Variants in PRDM16 observed in about 807,000 individuals in gnomAD.
PRDM16 encodes histone-lysine N-methyltransferase PRDM16.
In PRDM16, 23 loss-of-function variants were observed where a neutral mutation model predicts 110.6. That is an observed-to-expected ratio of 0.21 (90% CI 0.15 to 0.29). PRDM16 has a LOEUF of 0.29. PRDM16 is among the 10% of genes least tolerant of loss of function. PRDM16 has a pLI of 1.00. For missense variants in PRDM16, 1,615 were observed against 1,794.3 expected, an observed-to-expected ratio of 0.90 and a Z score of 1.81; for synonymous variants, 799 against 781.8, an observed-to-expected ratio of 1.02 and a Z score of -0.37.
chr1:3,275,646 T>G (rs1640565278), intron 3 of PRDM16, among the ~76,000 whole-genome samples: 1 of 152,084 alleles, frequency 6.6e-6, no homozygotes. Flanking sequence ...TGCCCAGTGC[T>G]CCAGTTCCCT....
At position 3,404,482 on chromosome 1, in the gene PRDM16, T is replaced by G. The variant is rs12753978; in HGVS notation, c.885-257T>G. Among the ~76,000 whole-genome samples the G allele has an allele frequency of 2.6e-5, 4 of 152,306 alleles. No homozygotes were observed. The East Asian group carries it at 5.8e-4, about 22-fold the overall frequency. Reference sequence around the variant, plus strand: ...GGTCCGGCACTGCCTCCAGCCGCCCTGGGGGTGGTCTTGGGTGAGGGATGG... The same window carrying G: ...GGTCCGGCACTGCCTCCAGCCGCCCGGGGGGTGGTCTTGGGTGAGGGATGG... On this transcript the variant is annotated intron_variant, in intron 6 of 16. Coordinates refer to ENST00000270722, the MANE Select transcript of PRDM16 (RefSeq NM_022114.4).
intron 1 of PRDM16, among the ~76,000 whole-genome samples, chr1:3,136,800 C>A (rs1412456130): frequency 1.3e-5 from 2 of 152,198 alleles, no homozygotes; most frequent in African/African-American, 4.8e-5. Flanking sequence ...CAGCTGTAAT[C>A]AATATTTCAT....
intron 1 of PRDM16, among the ~76,000 whole-genome samples, chr1:3,093,312 G>A (rs1454588398): frequency 2.6e-5 from 4 of 152,210 alleles, no homozygotes; most frequent in South Asian, 2.1e-4. Context: ...ACTGTCCAAC[G>A]TTGCGATGTT....
chr1:3,115,037 T>C (rs1029690472), intron 1 of PRDM16, among the ~76,000 whole-genome samples: 3 of 152,186 alleles, frequency 2.0e-5, no homozygotes, highest in Non-Finnish European at 4.4e-5. Context: ...GTGCACAGAG[T>C]GACACATTTG....
At chr1:3,204,300 G>A (rs1345120335) in intron 2 of PRDM16, among the ~76,000 whole-genome samples, 1 of 152,218 alleles carries the variant, frequency 6.6e-6, no homozygotes, top group Non-Finnish European at 1.5e-5. Flanking sequence ...TGGAAATTGG[G>A]GTAACTGTGG....
intron 1 of PRDM16, among the ~76,000 whole-genome samples, chr1:3,111,915 T>C (rs999321802): frequency 1.8e-4 from 28 of 152,126 alleles, no homozygotes; most frequent in African/African-American, 3.9e-4. Flanking sequence ...AGATAAATCA[T>C]GTACTCGAAA....
chr1:3,111,061 A>T (rs1642780447), intron 1 of PRDM16, among the ~76,000 whole-genome samples: 1 of 152,050 alleles, frequency 6.6e-6, no homozygotes, highest in African/African-American at 2.4e-5. Context: ...ACACCTGCCG[A>T]GTGTGAGATG....
chr1:3,429,957 G>A (rs1316335333), intron 14 of PRDM16, among the ~76,000 whole-genome samples: 1 of 152,194 alleles, frequency 6.6e-6, no homozygotes, highest in Admixed American at 6.5e-5. Context: ...TACCTCCCAG[G>A]GCAGCGGGAG....
chr1:3,292,699 TG>T (rs1486726323), intron 3 of PRDM16, among the ~76,000 whole-genome samples: 14 of 152,262 alleles, frequency 9.2e-5, no homozygotes, highest in African/African-American at 3.4e-4. Context: ...GGTGGAGGTT[TG>T]GGGGTGGAGG....
chr1:3,247,982 C>T (rs1014375830), intron 3 of PRDM16, among the ~76,000 whole-genome samples: 1 of 152,210 alleles, frequency 6.6e-6, no homozygotes, highest in Non-Finnish European at 1.5e-5. Context: ...ATCCATCACT[C>T]CGGGCGCGCA....
At chr1:3,420,396 T>C (rs1232213656) in intron 12 of PRDM16, among the ~76,000 whole-genome samples, 1 of 152,236 alleles carries the variant, frequency 6.6e-6, no homozygotes, top group East Asian at 1.9e-4. Flanking sequence ...TGTGAGCCCC[T>C]TTCCGGTGCC....
In PRDM16 at chr1:3,245,541, G is replaced by A. The variant is rs565779779; in HGVS notation, c.438+1404G>A. Among the ~76,000 whole-genome samples, 25 of 152,296 alleles carry A rather than the reference G, an allele frequency of 1.6e-4. No homozygotes were observed. The highest frequency in any genetic ancestry group is 5.3e-4 in the African/African-American group (22 of 41,550). On this transcript the variant is annotated intron_variant, in intron 3 of 16. Coordinates refer to ENST00000270722, the MANE Select transcript of PRDM16 (RefSeq NM_022114.4). The surrounding 1 kb of genome is among the most constrained non-coding windows in gnomAD (Gnocchi z 4.7). ...ACTGGTTCCCGTGTCCCTCCCCGTC[G>A]CTGGTGTGGCTGTGTCTGGCCTCCT...
At chr1:3,173,054 A>G (rs1644043871) in intron 1 of PRDM16, among the ~76,000 whole-genome samples, 1 of 152,228 alleles carries the variant, frequency 6.6e-6, no homozygotes, top group South Asian at 2.1e-4. Flanking sequence ...TGAGGGGTCC[A>G]GTGCATGCAC....
Position 3,412,169 on chromosome 1 carries a change from G to C in PRDM16, c.1972G>C (p.Ala658Pro), listed in dbSNP as rs760438677. The C allele has an allele frequency of 1.9e-6, 3 of 1,580,586 alleles. No homozygotes were observed. The highest frequency in any genetic ancestry group is 1.3e-5 in the African/African-American group (1 of 74,082). Reference sequence around the variant, plus strand: ...TGGGGGCGGCTTGGCGCCCCCGGGGGCCCCGAACAGCGTGGCCGAGGTGCC... The same window carrying C: ...TGGGGGCGGCTTGGCGCCCCCGGGGCCCCCGAACAGCGTGGCCGAGGTGCC... ...KFGGGLAPPG[A>P]PNSVAEVPVF... The change falls in exon 9 of 17, where the codon GCC becomes CCC. Residue 658 changes from alanine (A) to proline (P), a missense_variant. Transcript: ENST00000270722.
At chr1:3,293,766 G>A (rs1641027511) in intron 3 of PRDM16, among the ~76,000 whole-genome samples, 1 of 152,134 alleles carries the variant, frequency 6.6e-6, no homozygotes, top group African/African-American at 2.4e-5. Context: ...GTGGTCGCCA[G>A]GGGTCCGGGA....
intron 1 of PRDM16, among the ~76,000 whole-genome samples, chr1:3,118,108 T>TGTGCGC (rs1643007749): frequency 6.6e-6 from 1 of 151,452 alleles, no homozygotes; most frequent in Non-Finnish European, 1.5e-5. Context: ...CATGCATGTG[T>TGTGCGC]GTGTGCGTGT....
At chr1:3,077,381 C>G (rs1204773453) in intron 1 of PRDM16, among the ~76,000 whole-genome samples, 1 of 152,250 alleles carries the variant, frequency 6.6e-6, no homozygotes, top group Non-Finnish European at 1.5e-5. Context: ...GGCCCCCTCC[C>G]TCACTGCTGC....
intron 1 of PRDM16, among the ~76,000 whole-genome samples, chr1:3,072,580 C>G (rs1641791817): frequency 6.6e-6 from 1 of 152,208 alleles, no homozygotes; most frequent in African/African-American, 2.4e-5. Context: ...GTAAGCGGGG[C>G]TGGCGGCCCA....
chr1:3,149,569 C>G (rs190388863), intron 1 of PRDM16, among the ~76,000 whole-genome samples: 73 of 152,324 alleles, frequency 4.8e-4, no homozygotes, highest in African/African-American at 1.7e-3. Context: ...GTGGGTGCTC[C>G]CAGCTGACGG....
Sources: allele counts gnomAD v4.1 joint callset (sites outside exome capture counted in the v4.1 genomes callset), GRCh38; gene constraint gnomAD v4.1.1; non-coding constraint Gnocchi (gnomAD v3.1); transcripts MANE v1.5; gene names NCBI Gene and HGNC (gene_info 2026-07-23, HGNC 2026-07-21).